The following CDKAL1 variants were observed in gnomAD, a reference collection of about 807,000 sequenced individuals.
CDKAL1 encodes threonylcarbamoyladenosine tRNA methylthiotransferase.
A neutral mutation model predicts 68.2 loss-of-function variants in CDKAL1; 32 were observed. The observed-to-expected ratio is 0.47, with a 90% confidence interval of 0.35 to 0.63. The LOEUF (loss-of-function observed/expected upper bound fraction) is 0.63. CDKAL1 is among the 30% of genes least tolerant of loss of function. The probability of loss-of-function intolerance (pLI) is 0.00; values close to 1 mark genes in which losing one functional copy is unlikely to be tolerated. For synonymous variants in CDKAL1, 234 were observed against 244.3 expected (o/e 0.96, Z 0.39); for missense variants, 606 against 696.7 (o/e 0.87, Z 1.47).
chr6:20,982,317 C>T (rs949640294), intron 10 of CDKAL1, among the ~76,000 whole-genome samples: 3 of 151,936 alleles, frequency 2.0e-5, no homozygotes, highest in African/African-American at 7.3e-5. Flanking sequence ...CCTCAGCCTC[C>T]GAAAGTGCTG....
rs138165872 is a variant in CDKAL1 at position 21,126,181 on chromosome 6, A to G, written c.1299+17718A>G. ...AGTATTTCCATATTTCATATTTAAA[A>G]TCGATCTTTCTATTCCCAATTATGT... On this transcript the variant is annotated intron_variant, in intron 13 of 15. Transcript: ENST00000274695. Among the ~76,000 whole-genome samples, 3 of 152,308 alleles carry G rather than the reference A, an allele frequency of 2.0e-5. No individual in the cohort carries two copies. In the East Asian group the frequency reaches 5.8e-4, roughly 29 times the overall value.
intron 11 of CDKAL1, among the ~76,000 whole-genome samples, chr6:21,055,544 G>A (rs1770782835): frequency 6.6e-6 from 1 of 151,934 alleles, no homozygotes; most frequent in Non-Finnish European, 1.5e-5. Context: ...ACCTCAACAG[G>A]CTCCAGTGTG....
intron 6 of CDKAL1, among the ~76,000 whole-genome samples, chr6:20,752,639 T>C (rs1288935370): frequency 6.6e-6 from 1 of 152,156 alleles, no homozygotes; most frequent in Non-Finnish European, 1.5e-5. Flanking sequence ...TTCTCATTCT[T>C]TTTATGTGTA....
At chr6:20,868,565 A>G (rs1316077481) in intron 9 of CDKAL1, among the ~76,000 whole-genome samples, 1 of 152,238 alleles carries the variant, frequency 6.6e-6, no homozygotes, top group African/African-American at 2.4e-5. Flanking sequence ...TCTGCTTAGC[A>G]TTGTGATAAA....
At chr6:20,995,607 T>A (rs1225858847) in intron 10 of CDKAL1, among the ~76,000 whole-genome samples, 1 of 152,164 alleles carries the variant, frequency 6.6e-6, no homozygotes, top group East Asian at 1.9e-4. Flanking sequence ...GATAGTGGGT[T>A]TAAAATATCC....
chr6:20,851,611 T>A (rs1205012485), intron 9 of CDKAL1, among the ~76,000 whole-genome samples: 1 of 152,130 alleles, frequency 6.6e-6, no homozygotes, highest in African/African-American at 2.4e-5. Context: ...ATAAGTGGCA[T>A]AAACTGGTTA....
intron 5 of CDKAL1, among the ~76,000 whole-genome samples, chr6:20,732,755 A>C (rs544155308): frequency 1.3e-5 from 2 of 152,254 alleles, no homozygotes; most frequent in Non-Finnish European, 2.9e-5. Flanking sequence ...TAATTTCTGC[A>C]GGTACCACCT....
chr6:20,892,258 C>G (rs1464476348), intron 9 of CDKAL1, among the ~76,000 whole-genome samples: 1 of 152,108 alleles, frequency 6.6e-6, no homozygotes. Context: ...GGGAGAGAGA[C>G]TGAAGTGGGG....
At chr6:20,666,178 T>C (rs1027614704) in intron 5 of CDKAL1, among the ~76,000 whole-genome samples, 19 of 151,978 alleles carry the variant, frequency 1.3e-4, no homozygotes, top group African/African-American at 4.3e-4. Context: ...AGGCAATTTA[T>C]GAAAGAGGAT....
At chr6:21,016,544 T>C (rs1417893386) in intron 11 of CDKAL1, among the ~76,000 whole-genome samples, 1 of 152,072 alleles carries the variant, frequency 6.6e-6, no homozygotes, top group Non-Finnish European at 1.5e-5. Context: ...CACTTTCTTA[T>C]GTTGGCCACC....
chr6:21,220,487 A>G (rs1779499085), intron 15 of CDKAL1, among the ~76,000 whole-genome samples: 1 of 152,204 alleles, frequency 6.6e-6, no homozygotes, highest in African/African-American at 2.4e-5. Context: ...CCTTCTTGGC[A>G]GGGCTTACTT....
At chr6:21,192,013 T>C (rs1778266813) in intron 13 of CDKAL1, among the ~76,000 whole-genome samples, 2 of 85,072 alleles carry the variant, frequency 2.4e-5, no homozygotes, top group African/African-American at 4.6e-5. Context: ...TTTTTTTTTT[T>C]TTTTTTTTTT....
intron 9 of CDKAL1, among the ~76,000 whole-genome samples, chr6:20,866,275 A>C (rs1251884710): frequency 2.6e-5 from 4 of 152,204 alleles, no homozygotes; most frequent in African/African-American, 9.6e-5. Context: ...ACAGGACTGA[A>C]TAAATGTGCA....
intron 5 of CDKAL1, among the ~76,000 whole-genome samples, chr6:20,719,363 TC>T (rs1262640998): frequency 6.6e-6 from 1 of 152,216 alleles, no homozygotes; most frequent in Non-Finnish European, 1.5e-5. Context: ...TTTAGTGTCA[TC>T]CTAGTTACTT....
At chr6:21,034,587 G>A (rs1272661526) in intron 11 of CDKAL1, among the ~76,000 whole-genome samples, 2 of 152,160 alleles carry the variant, frequency 1.3e-5, no homozygotes, top group South Asian at 2.1e-4. Context: ...CATGTAGCTT[G>A]ATAATAAGAG....
intron 4 of CDKAL1, among the ~76,000 whole-genome samples, chr6:20,593,711 T>C (rs892784894): frequency 3.3e-5 from 5 of 152,172 alleles, no homozygotes; most frequent in African/African-American, 1.2e-4. Flanking sequence ...TTTCTTGTCT[T>C]CTGCTAGCTT....
intron 3 of CDKAL1, among the ~76,000 whole-genome samples, chr6:20,547,363 C>G (rs1206962750): frequency 6.6e-6 from 1 of 152,002 alleles, no homozygotes; most frequent in Non-Finnish European, 1.5e-5. Context: ...AAATTTTTAC[C>G]AGAGTTTGTG....
chr6:20,697,879 T>C (rs547241653), intron 5 of CDKAL1, among the ~76,000 whole-genome samples: 17 of 152,210 alleles, frequency 1.1e-4, no homozygotes, highest in Non-Finnish European at 2.2e-4. Context: ...GAGAGTGTCC[T>C]GGGCTTTGTC....
At position 20,998,062 on chromosome 6, in the gene CDKAL1, C is replaced by G. The variant is rs570266860; in HGVS notation, c.910-2165C>G. Among the ~76,000 whole-genome samples the G allele has an allele frequency of 9.2e-5, 14 of 152,204 alleles. No homozygotes were observed. In the South Asian group the frequency reaches 2.5e-3, roughly 27 times the overall value. On this transcript the variant is annotated intron_variant, in intron 10 of 15. Coordinates refer to ENST00000274695, the MANE Select transcript of CDKAL1 (RefSeq NM_017774.3). Reference sequence around the variant, plus strand: ...ACACAGCCTGAGTGTGAAGTTTCATCTCGCAAAGTGTATTACATGTCAAGA... The same window carrying G: ...ACACAGCCTGAGTGTGAAGTTTCATGTCGCAAAGTGTATTACATGTCAAGA...
Sources: gnomAD v4.1 joint callset for allele counts (sites outside exome capture counted in the v4.1 genomes callset) on GRCh38, gnomAD v4.1.1 for gene constraint, MANE v1.5 for transcripts, NCBI Gene and HGNC (gene_info 2026-07-23, HGNC 2026-07-21) for gene names.